Variants in RALYL observed in about 807,000 individuals in gnomAD.
RALYL encodes RNA-binding Raly-like protein.
A neutral mutation model predicts 35.1 loss-of-function variants in RALYL; 29 were observed. The observed-to-expected ratio is 0.83, with a 90% CI of 0.61 to 1.13. The LOEUF is 1.13. Ranked by LOEUF, RALYL falls within the 50% of genes most tolerant of loss-of-function variation. RALYL has a pLI of 0.00. For missense variants in RALYL, 359 were observed against 360.4 expected, an observed-to-expected ratio of 1.00 and a Z score of 0.03; for synonymous variants, 120 against 127.6, an observed-to-expected ratio of 0.94 and a Z score of 0.40.
chr8:84,660,195 A>C (rs1830647382), intron 2 of RALYL, among the ~76,000 whole-genome samples: 1 of 152,126 alleles, frequency 6.6e-6, no homozygotes, highest in Non-Finnish European at 1.5e-5. Flanking sequence ...TAAATTTTCA[A>C]ATTTATGTAC....
intron 2 of RALYL, among the ~76,000 whole-genome samples, chr8:84,567,946 C>T (rs937658511): frequency 6.6e-6 from 1 of 151,474 alleles, no homozygotes; most frequent in Non-Finnish European, 1.5e-5. Context: ...ATTTGTCTCT[C>T]TCTGGTTAAA....
chr8:84,535,476 C>G (rs2135101967), intron 2 of RALYL, among the ~76,000 whole-genome samples: 1 of 149,628 alleles, frequency 6.7e-6, no homozygotes, highest in African/African-American at 2.5e-5. Flanking sequence ...CGCTCTGTCG[C>G]CCAGGCTGGA....
intron 1 of RALYL, among the ~76,000 whole-genome samples, chr8:84,308,162 G>A (rs1279897897): frequency 8.2e-5 from 12 of 147,070 alleles, no homozygotes; most frequent in South Asian, 2.2e-4. Flanking sequence ...ATTCTACACG[G>A]AAAAAAAAAG....
chr8:84,354,737 C>A lies in RALYL; in HGVS notation c.-24+170313C>A, dbSNP rs554905272. ...GAGCCAAGCTGAGCAAAGGAAGAGT[C>A]CTCCTTAGAAGACAGGGGTAGCTAA... is the stretch of plus-strand genomic sequence containing the variant. On this transcript the variant is annotated intron_variant, in intron 1 of 8. Transcript: ENST00000521268. Among the ~76,000 whole-genome samples, 67 of 150,392 alleles carry A rather than the reference C, an allele frequency of 4.5e-4. 1 individual carries two copies. The South Asian group carries it at 0.014, about 31-fold the overall frequency.
chr8:84,237,716 G>A (rs1052787351), intron 1 of RALYL, among the ~76,000 whole-genome samples: 8 of 152,062 alleles, frequency 5.3e-5, no homozygotes, highest in Admixed American at 2.6e-4. Context: ...AAAACAAAAA[G>A]TAAGTCTTTT....
At chr8:84,735,422 T>G (rs1847072898) in intron 2 of RALYL, among the ~76,000 whole-genome samples, 1 of 152,040 alleles carries the variant, frequency 6.6e-6, no homozygotes, top group African/African-American at 2.4e-5. Flanking sequence ...TTCTACAAAT[T>G]CTATTATGCA....
intron 2 of RALYL, among the ~76,000 whole-genome samples, chr8:84,561,794 G>A (rs1219839179): frequency 6.6e-6 from 1 of 151,944 alleles, no homozygotes; most frequent in East Asian, 1.9e-4. Context: ...TTCTGGAATG[G>A]AGTGGGACCC....
chr8:84,324,297 C>CTTCT (rs1845405756), intron 1 of RALYL, among the ~76,000 whole-genome samples: 1 of 151,640 alleles, frequency 6.6e-6, no homozygotes, highest in Non-Finnish European at 1.5e-5. Flanking sequence ...TTTTTCCTTC[C>CTTCT]TTCCTTCCTT....
intron 1 of RALYL, among the ~76,000 whole-genome samples, chr8:84,246,979 T>G (rs1388106180): frequency 6.6e-6 from 1 of 152,182 alleles, no homozygotes; most frequent in Non-Finnish European, 1.5e-5. Flanking sequence ...TCCTAGCTTT[T>G]GTATTTACTA....
chr8:84,898,990 C>G (rs1314755963), intron 8 of RALYL, among the ~76,000 whole-genome samples: 1 of 152,166 alleles, frequency 6.6e-6, no homozygotes, highest in Non-Finnish European at 1.5e-5. Context: ...GTGGATCCCT[C>G]ACGCATAGCA....
intron 2 of RALYL, among the ~76,000 whole-genome samples, chr8:84,648,298 C>T (rs1236747349): frequency 1.3e-5 from 2 of 152,050 alleles, no homozygotes; most frequent in African/African-American, 4.8e-5. Flanking sequence ...GCCAGTTTAT[C>T]TTAATTCATC....
chr8:84,591,549 C>A (rs1813277938), intron 2 of RALYL, among the ~76,000 whole-genome samples: 1 of 152,136 alleles, frequency 6.6e-6, no homozygotes, highest in South Asian at 2.1e-4. Flanking sequence ...TCCCTCTTCT[C>A]CAAGGGAGAA....
intron 1 of RALYL, among the ~76,000 whole-genome samples, chr8:84,304,088 A>G (rs944563638): frequency 9.9e-5 from 15 of 151,912 alleles, no homozygotes; most frequent in African/African-American, 3.1e-4. Flanking sequence ...TAAAACTCAT[A>G]TTTCATTATT....
intron 1 of RALYL, among the ~76,000 whole-genome samples, chr8:84,187,641 A>G (rs1346266928): frequency 6.6e-6 from 1 of 152,116 alleles, no homozygotes; most frequent in Non-Finnish European, 1.5e-5. Context: ...AGCTACTATA[A>G]TAATACAAAT....
At chr8:84,797,673 T>C (rs1822264815) in intron 3 of RALYL, among the ~76,000 whole-genome samples, 1 of 152,168 alleles carries the variant, frequency 6.6e-6, no homozygotes, top group Non-Finnish European at 1.5e-5. Context: ...TATTCCCTAT[T>C]AAGAGATTAA....
chr8:84,453,019 AGCT>A (rs2049690068), intron 1 of RALYL, among the ~76,000 whole-genome samples: 1 of 151,876 alleles, frequency 6.6e-6, no homozygotes, highest in Non-Finnish European at 1.5e-5. Flanking sequence ...GTCTCATCAG[AGCT>A]TTTAAAGAAT....
At chr8:84,350,171 A>C (rs1850622824) in intron 1 of RALYL, among the ~76,000 whole-genome samples, 1 of 150,468 alleles carries the variant, frequency 6.6e-6, no homozygotes, top group Non-Finnish European at 1.5e-5. Context: ...GACACTGGGC[A>C]GCCCCATGTA....
chr8:84,523,636 G>A (rs955957587), intron 1 of RALYL, among the ~76,000 whole-genome samples: 3 of 149,876 alleles, frequency 2.0e-5, no homozygotes, highest in Non-Finnish European at 4.4e-5. Context: ...TCTAGCATTA[G>A]GTATATCTCC....
intron 1 of RALYL, among the ~76,000 whole-genome samples, chr8:84,483,788 G>C (rs1465177859): frequency 6.6e-6 from 1 of 152,106 alleles, no homozygotes; most frequent in Non-Finnish European, 1.5e-5. Context: ...CTGATCAAAA[G>C]CCAGCCATTT....
Sources: allele counts gnomAD v4.1 joint callset (sites outside exome capture counted in the v4.1 genomes callset), GRCh38; gene constraint gnomAD v4.1.1; transcripts MANE v1.5; gene names NCBI Gene and HGNC (gene_info 2026-07-23, HGNC 2026-07-21).